NIPBL: variants seen among roughly 807,000 people sequenced by gnomAD.
The protein encoded by NIPBL is NIPBL cohesin loading factor, also known as nipped-B-like protein.
Under a neutral mutation model 321.8 loss-of-function variants are expected in NIPBL, and 19 were observed. The observed-to-expected ratio is 0.06, with a 90% CI of 0.04 to 0.09. The LOEUF is 0.09. Among genes scored for constraint, NIPBL ranks in the 10% least tolerant of loss-of-function variants. The pLI, the probability that NIPBL is intolerant of heterozygous loss-of-function variation, is 1.00. For missense variants in NIPBL, 2,210 were observed against 3,327.0 expected (o/e 0.66, Z 8.26); for synonymous variants, 1,106 against 1,114.1 (o/e 0.99, Z 0.14).
intron 3 of NIPBL, among the ~76,000 whole-genome samples, chr5:36,955,934 A>G (rs981151253): frequency 2.6e-5 from 4 of 151,896 alleles, no homozygotes; most frequent in African/African-American, 9.7e-5. Flanking sequence ...ATGAAACTAT[A>G]TCCCTGTCTG....
At chr5:36,925,064 A>G (rs1414361574) in intron 1 of NIPBL, among the ~76,000 whole-genome samples, 1 of 152,206 alleles carries the variant, frequency 6.6e-6, no homozygotes, top group Admixed American at 6.5e-5. Flanking sequence ...AGTATGAAGT[A>G]GGGAGGTCAA....
intron 9 of NIPBL, among the ~76,000 whole-genome samples, chr5:36,982,768 C>T (rs916017513): frequency 1.3e-5 from 2 of 151,684 alleles, no homozygotes; most frequent in African/African-American, 2.4e-5. Context: ...AAAATCAGCC[C>T]TCTAAGCTAT....
chr5:37,030,919 C>CTTTT (rs11291612), intron 32 of NIPBL, among the ~76,000 whole-genome samples: 1 of 82,394 alleles, frequency 1.2e-5, no homozygotes. Context: ...CATGTTTAGC[C>CTTTT]TTTTTTTTTT....
At chr5:37,032,041 A>G (rs930332998) in intron 32 of NIPBL, among the ~76,000 whole-genome samples, 5 of 152,186 alleles carry the variant, frequency 3.3e-5, no homozygotes, top group Non-Finnish European at 7.4e-5. Context: ...CTGGAGTTTT[A>G]TTAGAAATGC....
At chr5:37,014,088 A>G (rs879341803) in intron 21 of NIPBL, among the ~76,000 whole-genome samples, 49 of 152,268 alleles carry the variant, frequency 3.2e-4, no homozygotes, top group African/African-American at 9.4e-4. Flanking sequence ...CGCTCCTGCA[A>G]TCGCAGCTCT....
chr5:37,004,169 G>A (rs185802648), intron 16 of NIPBL, among the ~76,000 whole-genome samples: 2 of 152,250 alleles, frequency 1.3e-5, no homozygotes, highest in Non-Finnish European at 2.9e-5. Flanking sequence ...GTTAACTCCA[G>A]CTGTTACTAT....
Position 37,037,984 on chromosome 5 carries a change from CTTT to C in NIPBL, c.5972-598_5972-596del, listed in dbSNP as rs34425779. On this transcript the variant is annotated intron_variant, in intron 33 of 46. Transcript: ENST00000282516. ...TTGCTTTTTTTCCCATATTCACTTC[CTTT>C]TTTTTTTTTTTTTTTTTTTAAAGAC... Among the ~76,000 whole-genome samples, 229 of 116,190 alleles carry C rather than the reference CTTT, an allele frequency of 2.0e-3. 1 individual carries two copies. The highest frequency in any genetic ancestry group is 7.5e-3 in the African/African-American group (215 of 28,512). 76.2% of individuals were successfully genotyped at this position (116,190 alleles called of 152,430 possible). A position where few individuals can be genotyped will look rare whatever the true frequency, so the allele number is the denominator to read the frequency against.
intron 1 of NIPBL, among the ~76,000 whole-genome samples, chr5:36,930,779 G>T (rs1215812073): frequency 2.0e-5 from 3 of 152,004 alleles, no homozygotes; most frequent in African/African-American, 7.2e-5. Flanking sequence ...GTGTTTTTCT[G>T]TGTCTTTCAA....
At chr5:36,984,632 A>G (rs767530150) in intron 9 of NIPBL, 44 bp from the exon 10 acceptor site, 1 of 1,530,690 alleles carries the variant, frequency 6.5e-7, no homozygotes, top group South Asian at 1.2e-5. Flanking sequence ...TAAGATAAGA[A>G]TACATGTCTA....
In NIPBL at chr5:37,003,273, A is replaced by C; in HGVS notation, c.3781A>C (p.Lys1261Gln). 1 of 1,594,938 alleles carries C rather than the reference A, an allele frequency of 6.3e-7. No homozygotes were observed. ...ATTGCTATTTTAGCTTTCAACTGAC[A>C]AAACTGTGAAAGTCTTAAATATCTT... The part of the protein sequence containing the change: ...MGIMDKLSTD[K>Q]TVKVLNILEK... Residue 1261 changes from lysine (K) to glutamine (Q), a missense_variant, in exon 16 of 47, where the codon AAA becomes CAA. Around this residue, in one of 14 missense-constraint regions of NIPBL, gnomAD observed 381 missense variants for 642.3 expected, o/e 0.59. Transcript: ENST00000282516.
chr5:36,890,343 T>A (rs1415421242), intron 1 of NIPBL, among the ~76,000 whole-genome samples: 8 of 152,246 alleles, frequency 5.3e-5, no homozygotes, highest in Admixed American at 5.2e-4. Context: ...GTTTGAACAT[T>A]TTTATGGCCT....
chr5:37,020,943 G>A, intron 27 of NIPBL, 66 bp downstream of exon 27: 1 of 1,041,960 alleles, frequency 9.6e-7, no homozygotes, highest in South Asian at 1.3e-5. Context: ...CTTGTGAGCA[G>A]TATATAATAT....
chr5:36,897,438 T>C (rs1746841783), intron 1 of NIPBL, among the ~76,000 whole-genome samples: 1 of 152,156 alleles, frequency 6.6e-6, no homozygotes, highest in Non-Finnish European at 1.5e-5. Flanking sequence ...CTCTTCTTTC[T>C]AGGGACAGTT....
intron 15 of NIPBL, 28 bp downstream of exon 15, chr5:37,002,793 T>G (rs372868902): frequency 3.6e-5 from 45 of 1,234,504 alleles, no homozygotes; most frequent in Non-Finnish European, 5.0e-5. Context: ...AATTTATAAA[T>G]TTACTTCATA....
rs1211471273 is a variant in NIPBL at position 36,971,982 on chromosome 5, T to C, written c.809T>C (p.Phe270Ser). ...TCAACAATGAGGAATGCTGCATCTT[T>C]TCCCTTGAGATCTCCACAGCCAGTA... is the stretch of plus-strand genomic sequence containing the variant. Reference protein sequence around the residue: ...DSSTMRNAASFPLRSPQPVCS... With the variant: ...DSSTMRNAASSPLRSPQPVCS... The change falls in exon 8 of 47, where the codon TTT becomes TCT. Residue 270 changes from phenylalanine to serine, a missense_variant. Around this residue, in one of 14 missense-constraint regions of NIPBL, gnomAD observed 464 missense variants for 529.5 expected, o/e 0.88. Transcript: ENST00000282516. 2 of 1,612,670 alleles carry C rather than the reference T, an allele frequency of 1.2e-6. No individual in the cohort carries two copies. The highest frequency in any genetic ancestry group is 2.2e-5 in the South Asian group (2 of 90,990).
chr5:36,972,813 C>CTA (rs2307849), intron 8 of NIPBL, among the ~76,000 whole-genome samples: 86,950 of 151,842 alleles, frequency 0.57, 27,102 homozygotes, highest in African/African-American at 0.84. Context: ...CTAACCTGTT[C>CTA]TGTTAATTTT....
intron 1 of NIPBL, among the ~76,000 whole-genome samples, chr5:36,924,252 T>C (rs1749180207): frequency 6.6e-6 from 1 of 152,194 alleles, no homozygotes; most frequent in South Asian, 2.1e-4. Context: ...AATATAACTG[T>C]TTAATAAATT....
At chr5:37,049,015 C>G in intron 39 of NIPBL, 96 bp from the exon 40 acceptor site, 1 of 1,193,100 alleles carries the variant, frequency 8.4e-7, no homozygotes, top group Non-Finnish European at 1.2e-6. Flanking sequence ...CTAGCTGTAA[C>G]GTTTTGTGAT....
intron 10 of NIPBL, 30 bp downstream of exon 10, chr5:36,986,331 A>G: frequency 7.3e-7 from 1 of 1,370,788 alleles, no homozygotes; most frequent in South Asian, 1.7e-5. Context: ...TGTCATTTAT[A>G]ATATAATCGA....
Sources: gnomAD v4.1 joint callset for allele counts (sites outside exome capture counted in the v4.1 genomes callset) on GRCh38, gnomAD v4.1.1 for gene constraint, gnomAD v4.1.1 regional missense constraint, MANE v1.5 for transcripts, NCBI Gene and HGNC (gene_info 2026-07-23, HGNC 2026-07-21) for gene names.